Variants in OPCML observed in about 807,000 individuals in gnomAD.
The protein encoded by OPCML is opioid-binding protein/cell adhesion molecule.
In OPCML, 13 loss-of-function variants were observed where a neutral mutation model predicts 37.8. The observed-to-expected ratio is 0.34, with a 90% CI of 0.22 to 0.55. The LOEUF (loss-of-function observed/expected upper bound fraction) is 0.55, where lower values mean the gene tolerates loss of function less well. Ranked by LOEUF, OPCML falls within the 20% of genes least tolerant of loss-of-function variation. The pLI, the probability that OPCML is intolerant of heterozygous loss-of-function variation, is 0.91. For synonymous variants in OPCML, 176 were observed against 168.8 expected (o/e 1.04, Z -0.33); for missense variants, 341 against 435.6 (o/e 0.78, Z 1.93).
At chr11:133,315,538 C>T (rs1421810361) in intron 1 of OPCML, among the ~76,000 whole-genome samples, 1 of 152,216 alleles carries the variant, frequency 6.6e-6, no homozygotes, top group East Asian at 1.9e-4. Flanking sequence ...GTGGCTCACG[C>T]CTATAATCCC....
intron 4 of OPCML, among the ~76,000 whole-genome samples, chr11:132,503,114 G>T (rs564486040): frequency 2.0e-5 from 3 of 152,270 alleles, no homozygotes; most frequent in African/African-American, 7.2e-5. Context: ...CTAGCACTAC[G>T]CTTGGGATAT....
In OPCML at chr11:132,580,123, A is replaced by T. The variant is rs1461999915; in HGVS notation, c.380-50937T>A. ...ACAAGTTTTTATTTGGTCCCATGGGACAACGCAGGCTCTGTCTTTCTAACG... is the reference window on the plus strand; with the variant it reads ...ACAAGTTTTTATTTGGTCCCATGGGTCAACGCAGGCTCTGTCTTTCTAACG... On this transcript the variant is annotated intron_variant, in intron 3 of 7. Coordinates refer to ENST00000524381, the MANE Select transcript of OPCML (RefSeq NM_001012393.5). 3.3e-5 allele frequency among the ~76,000 whole-genome samples: 5 copies of T among 152,154 alleles called. No homozygotes were observed. In the East Asian group the frequency reaches 9.7e-4, roughly 29 times the overall value.
chr11:132,641,477 C>T (rs192170677), intron 3 of OPCML, among the ~76,000 whole-genome samples: 1 of 152,162 alleles, frequency 6.6e-6, no homozygotes, highest in Non-Finnish European at 1.5e-5. Context: ...TGGACACCTG[C>T]TGATTGCCCC....
Position 133,205,135 on chromosome 11 carries a change from T to C in OPCML, c.62-262125A>G, listed in dbSNP as rs1484020137. Among the ~76,000 whole-genome samples, 1 of 151,558 alleles carries C rather than the reference T, an allele frequency of 6.6e-6. No homozygotes were observed. Among genetic ancestry groups the C allele is most frequent in the Non-Finnish European group, 1.5e-5 (1 of 67,902 alleles). On this transcript the variant is annotated intron_variant, in intron 1 of 7. Coordinates refer to ENST00000524381, the MANE Select transcript of OPCML (RefSeq NM_001012393.5). The surrounding 1 kb of genome is among the most constrained non-coding windows in gnomAD (Gnocchi z 4.8). ...CTTCTTCCTGGGAGGGGAGATGAGG[T>C]GAAGGTTGAGTTGCTCACCAATGGC...
At chr11:132,633,903 G>A (rs1371772834) in intron 3 of OPCML, among the ~76,000 whole-genome samples, 3 of 152,210 alleles carry the variant, frequency 2.0e-5, no homozygotes, top group East Asian at 1.9e-4. Context: ...ATCGGGGGTG[G>A]GAGGCTGGGG....
chr11:132,707,163 T>C (rs1944067958), intron 2 of OPCML, among the ~76,000 whole-genome samples: 1 of 152,138 alleles, frequency 6.6e-6, no homozygotes, highest in Non-Finnish European at 1.5e-5. Flanking sequence ...GAAAGGGCTT[T>C]GGAAAGTTGA....
intron 1 of OPCML, among the ~76,000 whole-genome samples, chr11:133,251,932 T>C (rs954114352): frequency 2.0e-5 from 3 of 152,196 alleles, no homozygotes; most frequent in Non-Finnish European, 2.9e-5. Context: ...TCCCATCCTT[T>C]GTCTGAGAGA....
At chr11:132,724,488 G>T (rs952805944) in intron 2 of OPCML, among the ~76,000 whole-genome samples, 2 of 152,038 alleles carry the variant, frequency 1.3e-5, no homozygotes, top group Non-Finnish European at 2.9e-5. Context: ...CCCACAACAA[G>T]TTGGAATTTG....
chr11:132,951,920 G>A (rs1332430507), intron 1 of OPCML, among the ~76,000 whole-genome samples: 1 of 152,210 alleles, frequency 6.6e-6, no homozygotes, highest in African/African-American at 2.4e-5. Flanking sequence ...GTCCAGATGA[G>A]GATGGCTACT....
At chr11:132,641,252 G>T (rs1454378350) in intron 3 of OPCML, among the ~76,000 whole-genome samples, 1 of 152,062 alleles carries the variant, frequency 6.6e-6, no homozygotes, top group East Asian at 1.9e-4. Flanking sequence ...GTTCCTTAAG[G>T]ACGTCAATGC....
chr11:132,499,514 C>T (rs770995528), intron 4 of OPCML, among the ~76,000 whole-genome samples: 8 of 152,214 alleles, frequency 5.3e-5, no homozygotes, highest in African/African-American at 7.2e-5. Context: ...CTGAAAACCA[C>T]TCATTTCACA....
chr11:132,683,410 C>G (rs1943036207), intron 2 of OPCML, among the ~76,000 whole-genome samples: 1 of 152,114 alleles, frequency 6.6e-6, no homozygotes, highest in South Asian at 2.1e-4. Context: ...AGGTGCACTA[C>G]TTTCTTAAGG....
intron 2 of OPCML, among the ~76,000 whole-genome samples, chr11:132,896,964 A>T (rs1434342056): frequency 3.3e-5 from 5 of 152,228 alleles, no homozygotes; most frequent in African/African-American, 9.6e-5. Flanking sequence ...GCCTATTTGA[A>T]TTTTGCAGGC....
chr11:133,147,119 G>A (rs1237234071), intron 1 of OPCML, among the ~76,000 whole-genome samples: 2 of 152,198 alleles, frequency 1.3e-5, no homozygotes, highest in Non-Finnish European at 1.5e-5. Context: ...GTCAGGGGCT[G>A]CCGCCTCCTC....
chr11:133,285,840 A>G (rs4937761), intron 1 of OPCML, among the ~76,000 whole-genome samples: 40,474 of 152,142 alleles, frequency 0.27, 6,439 homozygotes, highest in East Asian at 0.73. Flanking sequence ...AAGGCCCTGC[A>G]CATTCTGTAA....
chr11:132,953,269 A>T (rs973963957), intron 1 of OPCML, among the ~76,000 whole-genome samples: 13 of 152,144 alleles, frequency 8.5e-5, no homozygotes, highest in African/African-American at 3.1e-4. Context: ...TTGCTGCACG[A>T]GAGAACTGAT....
At position 133,004,223 on chromosome 11, in the gene OPCML, C is replaced by T. The variant is rs548818166; in HGVS notation, c.62-61213G>A. The T allele has an allele frequency of 1.9e-5, 19 of 985,466 alleles. No individual in the cohort carries two copies. The East Asian group carries it at 1.0e-3, about 53-fold the overall frequency. 61.0% of individuals were successfully genotyped at this position (985,466 alleles called of 1,614,324 possible). On this transcript the variant is annotated intron_variant, in intron 1 of 7. Transcript: ENST00000524381. The stretch of plus-strand genomic sequence containing the variant: ...TCTGCCTTGCCTGAGAGTCACTTTC[C>T]ATTGCCAGTGCCCCTGGGGACGTAA...
At chr11:133,348,708 G>A (rs1944057839) in intron 1 of OPCML, among the ~76,000 whole-genome samples, 1 of 152,142 alleles carries the variant, frequency 6.6e-6, no homozygotes, top group Admixed American at 6.5e-5. Context: ...TCCAGATAAA[G>A]AAATTACAAA....
At chr11:132,830,585 T>C (rs1207602194) in intron 2 of OPCML, among the ~76,000 whole-genome samples, 2 of 152,184 alleles carry the variant, frequency 1.3e-5, no homozygotes, top group Non-Finnish European at 2.9e-5. Context: ...AATATCAGAA[T>C]CTAAAATCAT....
Sources: allele counts gnomAD v4.1 joint callset (sites outside exome capture counted in the v4.1 genomes callset), GRCh38; gene constraint gnomAD v4.1.1; non-coding constraint Gnocchi (gnomAD v3.1); transcripts MANE v1.5; gene names NCBI Gene and HGNC (gene_info 2026-07-23, HGNC 2026-07-21).